GNAL: variants seen among roughly 807,000 people sequenced by gnomAD.
The protein encoded by GNAL is guanine nucleotide-binding protein G(olf) subunit alpha.
In GNAL, 18 loss-of-function variants were observed where a neutral mutation model predicts 55.1. The observed-to-expected ratio is 0.33, with a 90% CI of 0.23 to 0.48. The LOEUF is 0.48. GNAL is among the 20% of genes least tolerant of loss of function. GNAL has a pLI of 0.99. For missense variants in GNAL, 412 were observed against 614.1 expected (o/e 0.67, Z 3.48); for synonymous variants, 253 against 237.0 (o/e 1.07, Z -0.62).
chr18:11,875,187 C>A (rs1184754928), intron 10 of GNAL, among the ~76,000 whole-genome samples: 1 of 152,100 alleles, frequency 6.6e-6, no homozygotes, highest in African/African-American at 2.4e-5. Flanking sequence ...AGAGGCAGTC[C>A]ATGGAGGCCC....
At chr18:11,857,750 G>A (rs1465301182) in intron 5 of GNAL, 2 of 985,156 alleles carry the variant, frequency 2.0e-6, no homozygotes, top group African/African-American at 3.5e-5. Context: ...CTTAACTCTG[G>A]CTGTGCATTA....
chr18:11,844,952 G>C (rs1483250627), intron 5 of GNAL, among the ~76,000 whole-genome samples: 1 of 152,076 alleles, frequency 6.6e-6, no homozygotes. Context: ...TGCAACCTCC[G>C]CCTCCTGGGT....
chr18:11,818,904 C>T (rs903957606), intron 4 of GNAL, among the ~76,000 whole-genome samples: 1 of 152,188 alleles, frequency 6.6e-6, no homozygotes, highest in African/African-American at 2.4e-5. Context: ...GAATATTGTG[C>T]GAATGTTGGG....
intron 5 of GNAL, among the ~76,000 whole-genome samples, chr18:11,845,769 A>AAGAG (rs58313183): frequency 1.2e-4 from 18 of 147,668 alleles, no homozygotes; most frequent in African/African-American, 3.2e-4. Flanking sequence ...AGGAAGAGAA[A>AAGAG]AGAGAGAGAG....
chr18:11,734,749 A>G (rs1445951748), intron 1 of GNAL, among the ~76,000 whole-genome samples: 1 of 151,410 alleles, frequency 6.6e-6, no homozygotes, highest in African/African-American at 2.4e-5. Flanking sequence ...GTAAGCATCA[A>G]TGATCTGATG....
chr18:11,867,537 G>A (rs535042326), intron 8 of GNAL, among the ~76,000 whole-genome samples: 3 of 152,132 alleles, frequency 2.0e-5, no homozygotes, highest in South Asian at 2.1e-4. Context: ...AAATTAGGCC[G>A]GGCGTGGTGG....
At chr18:11,826,712 A>G (rs1369300776) in intron 5 of GNAL, among the ~76,000 whole-genome samples, 1 of 152,182 alleles carries the variant, frequency 6.6e-6, no homozygotes, top group African/African-American at 2.4e-5. Context: ...GGTGCCATTT[A>G]CTGCAAAGGG....
At chr18:11,713,537 A>G (rs2031885225) in intron 1 of GNAL, among the ~76,000 whole-genome samples, 1 of 152,188 alleles carries the variant, frequency 6.6e-6, no homozygotes, top group Non-Finnish European at 1.5e-5. Context: ...TGTACTGGAT[A>G]CTGTCAATAA....
intron 4 of GNAL, among the ~76,000 whole-genome samples, chr18:11,801,704 C>T (rs2034527277): frequency 6.7e-6 from 1 of 148,858 alleles, no homozygotes; most frequent in Admixed American, 6.6e-5. Context: ...AATTTGGATC[C>T]AGTTTGAAAG....
At chr18:11,704,835 A>G (rs1225789295) in intron 1 of GNAL, among the ~76,000 whole-genome samples, 1 of 152,106 alleles carries the variant, frequency 6.6e-6, no homozygotes, top group Non-Finnish European at 1.5e-5. Flanking sequence ...GCATACAGAA[A>G]ACAGCACATA....
rs1361228554 is a variant in GNAL at position 11,868,442 on chromosome 18, G to A, written c.911-101G>A. 1 of 979,426 alleles carries A rather than the reference G, an allele frequency of 1.0e-6. No homozygotes were observed. The highest frequency in any genetic ancestry group is 1.5e-6 in the Non-Finnish European group (1 of 651,832). 60.7% of individuals were successfully genotyped at this position (979,426 alleles called of 1,614,324 possible). A position where few individuals can be genotyped will look rare whatever the true frequency, so the allele number is the denominator to read the frequency against. On this transcript the variant is annotated intron_variant, in intron 8 of 11. Transcript: ENST00000334049. This position sits in a 1 kb window ranked among gnomAD's most constrained non-coding sequence, Gnocchi z 4.0. ...TGACTGAATAGTCCTATCACTGAAT[G>A]AATGTTTTTGTGGAACTGAGTAGCT...
At chr18:11,784,193 G>C (rs2033995642) in intron 4 of GNAL, among the ~76,000 whole-genome samples, 1 of 152,254 alleles carries the variant, frequency 6.6e-6, no homozygotes, top group Admixed American at 6.5e-5. Context: ...TCCCAGTGCT[G>C]ACAAGAGCCT....
chr18:11,848,164 C>T (rs1352387163), intron 5 of GNAL, among the ~76,000 whole-genome samples: 2 of 152,098 alleles, frequency 1.3e-5, no homozygotes, highest in Admixed American at 1.3e-4. Flanking sequence ...CAAATCTCTC[C>T]GTGGAAATGT....
Position 11,751,862 on chromosome 18 carries a change from G to C in GNAL, c.377-991G>C, listed in dbSNP as rs973945175. Among the ~76,000 whole-genome samples the C allele has an allele frequency of 6.6e-6, 1 of 152,198 alleles. No homozygotes were observed. The highest frequency in any genetic ancestry group is 1.5e-5 in the Non-Finnish European group (1 of 68,016). On this transcript the variant is annotated intron_variant, in intron 1 of 11. Coordinates refer to ENST00000334049, the MANE Select transcript of GNAL (RefSeq NM_182978.4). The surrounding 1 kb of genome is among the most constrained non-coding windows in gnomAD (Gnocchi z 4.5). ...CGCACCGGGATCCCAGACCAGGGAG[G>C]GGGCGCACGTCCGACGGCTGAGGAA... is the stretch of plus-strand genomic sequence containing the variant.
intron 4 of GNAL, among the ~76,000 whole-genome samples, chr18:11,779,429 G>A (rs1021869307): frequency 2.0e-5 from 3 of 152,174 alleles, no homozygotes; most frequent in Non-Finnish European, 4.4e-5. Flanking sequence ...GAGACTGATG[G>A]ATAGACTTTC....
chr18:11,771,775 T>C (rs1285034555), intron 4 of GNAL, among the ~76,000 whole-genome samples: 3 of 152,086 alleles, frequency 2.0e-5, no homozygotes, highest in East Asian at 1.9e-4. Context: ...AGTATAGTGG[T>C]GCGATCTCAG....
intron 4 of GNAL, among the ~76,000 whole-genome samples, chr18:11,816,750 G>A (rs565199414): frequency 3.6e-4 from 55 of 151,694 alleles, no homozygotes; most frequent in Admixed American, 5.9e-4. Flanking sequence ...GGAGGCGGAG[G>A]TTGCAGTGAG....
At chr18:11,713,564 G>C (rs2031885735) in intron 1 of GNAL, among the ~76,000 whole-genome samples, 1 of 152,162 alleles carries the variant, frequency 6.6e-6, no homozygotes, top group Non-Finnish European at 1.5e-5. Flanking sequence ...GCCATCCTAG[G>C]CCAGTTGCTG....
chr18:11,697,015 A>G (rs2031433822), intron 1 of GNAL, among the ~76,000 whole-genome samples: 1 of 152,172 alleles, frequency 6.6e-6, no homozygotes. Flanking sequence ...TTTCCATCTC[A>G]ATGATAATCC....
Sources: gnomAD v4.1 joint callset for allele counts (sites outside exome capture counted in the v4.1 genomes callset) on GRCh38, gnomAD v4.1.1 for gene constraint, Gnocchi (gnomAD v3.1) non-coding constraint, MANE v1.5 for transcripts, NCBI Gene and HGNC (gene_info 2026-07-23, HGNC 2026-07-21) for gene names.